IMMP1L: variants seen among roughly 807,000 people sequenced by gnomAD.
IMMP1L encodes inner mitochondrial membrane peptidase subunit 1.
IMMP1L carries 24 observed loss-of-function variants against 21.8 expected under a neutral mutation model. The observed-to-expected ratio is 1.10, with a 90% confidence interval of 0.80 to 1.55. The LOEUF (loss-of-function observed/expected upper bound fraction) is 1.55, where lower values mean the gene tolerates loss of function less well. IMMP1L is among the 40% of genes most tolerant of loss of function. The pLI is 0.00. For synonymous variants in IMMP1L, 46 were observed against 62.8 expected (o/e 0.73, Z 1.26); for missense variants, 195 against 200.7 (o/e 0.97, Z 0.17).
chr11:31,489,934 C>A (rs1955201037), intron 1 of IMMP1L, among the ~76,000 whole-genome samples: 1 of 152,116 alleles, frequency 6.6e-6, no homozygotes, highest in South Asian at 2.1e-4. Context: ...ATAAAAAATT[C>A]TCCTGAGTTA....
intron 1 of IMMP1L, among the ~76,000 whole-genome samples, chr11:31,473,112 C>T (rs988520635): frequency 6.6e-6 from 1 of 152,114 alleles, no homozygotes; most frequent in Non-Finnish European, 1.5e-5. Flanking sequence ...TGTAGTGGCG[C>T]GATCTTGGCT....
intron 4 of IMMP1L, among the ~76,000 whole-genome samples, chr11:31,455,518 G>A (rs879782562): frequency 6.6e-6 from 1 of 152,074 alleles, no homozygotes; most frequent in Non-Finnish European, 1.5e-5. Flanking sequence ...CAGGCAAGGT[G>A]GTTGTATACA....
At chr11:31,470,596 C>T (rs991846987) in intron 1 of IMMP1L, among the ~76,000 whole-genome samples, 3 of 152,060 alleles carry the variant, frequency 2.0e-5, no homozygotes, top group Non-Finnish European at 2.9e-5. Context: ...AATAGAACTA[C>T]CATATGATCC....
At chr11:31,507,886 A>ATTCT (rs1175415882) in intron 1 of IMMP1L, among the ~76,000 whole-genome samples, 1 of 152,230 alleles carries the variant, frequency 6.6e-6, no homozygotes, top group African/African-American at 2.4e-5. Flanking sequence ...AATTAGCTAG[A>ATTCT]TTTAACGATT....
intron 1 of IMMP1L, among the ~76,000 whole-genome samples, chr11:31,464,281 A>C (rs1481729869): frequency 6.6e-6 from 1 of 152,122 alleles, no homozygotes. Context: ...CAAAGTTGGC[A>C]AAGGATGAAG....
intron 1 of IMMP1L, chr11:31,473,666 G>A (rs1371036731): frequency 1.5e-6 from 1 of 669,384 alleles, no homozygotes; most frequent in Non-Finnish European, 1.8e-6. Flanking sequence ...GAAATTTCTG[G>A]GCATAGGCAT....
At chr11:31,477,109 T>C (rs1346869388) in intron 1 of IMMP1L, 1 of 152,178 alleles carries the variant, frequency 6.6e-6, no homozygotes, top group East Asian at 1.9e-4. Context: ...TAGGTGTCTA[T>C]ATATTTCAAA....
At chr11:31,480,198 G>C (rs1009238961) in intron 1 of IMMP1L, among the ~76,000 whole-genome samples, 8 of 151,880 alleles carry the variant, frequency 5.3e-5, no homozygotes, top group Non-Finnish European at 1.2e-4. Context: ...TATTGTAATT[G>C]GTTACATTCA....
chr11:31,436,001 G>A (rs1953104658), intron 4 of IMMP1L, among the ~76,000 whole-genome samples: 1 of 151,612 alleles, frequency 6.6e-6, no homozygotes, highest in South Asian at 2.1e-4. Flanking sequence ...TTATTTGATT[G>A]TTGGCAGTGT....
At chr11:31,502,044 A>T (rs1302689366) in intron 1 of IMMP1L, among the ~76,000 whole-genome samples, 2 of 152,040 alleles carry the variant, frequency 1.3e-5, no homozygotes, top group Non-Finnish European at 2.9e-5. Context: ...GTTGTATGAA[A>T]ATATCACCGA....
chr11:31,487,391 G>C (rs1034672230), intron 1 of IMMP1L, among the ~76,000 whole-genome samples: 1 of 151,998 alleles, frequency 6.6e-6, no homozygotes, highest in African/African-American at 2.4e-5. Flanking sequence ...TGATATTCAG[G>C]TAATAATTTG....
intron 4 of IMMP1L, among the ~76,000 whole-genome samples, chr11:31,447,364 G>A (rs1422875175): frequency 1.3e-5 from 2 of 152,128 alleles, no homozygotes; most frequent in Admixed American, 6.5e-5. Context: ...GTCCATTATC[G>A]GTCTCAGTCT....
Position 31,433,673 on chromosome 11 carries a change from T to A in IMMP1L, c.322-103A>T, listed in dbSNP as rs1436707984. ...GAGGTAGGGAGAAATGTCCTAAGGC[T>A]CTCTTTTATAGAATAGATACAAATC... On this transcript the variant is annotated intron_variant, in intron 4 of 5. Transcript: ENST00000532287. The A allele has an allele frequency of 4.9e-6, 3 of 606,992 alleles. No individual in the cohort carries two copies. In the African/African-American group the frequency reaches 5.7e-5, roughly 11 times the overall value. The allele number at this position is 606,992 out of a possible 1,614,324, so 37.6% of individuals were successfully genotyped here. A position where few individuals can be genotyped will look rare whatever the true frequency, so the allele number is the denominator to read the frequency against.
At chr11:31,473,601 T>C (rs1954638417) in intron 1 of IMMP1L, 3 of 198,472 alleles carry the variant, frequency 1.5e-5, no homozygotes, top group Non-Finnish European at 2.7e-5. Context: ...GCTAAAAAGA[T>C]TGAGCAGAGT....
At chr11:31,490,162 A>G (rs1554949593) in intron 1 of IMMP1L, among the ~76,000 whole-genome samples, 1 of 152,200 alleles carries the variant, frequency 6.6e-6, no homozygotes, top group Non-Finnish European at 1.5e-5. Flanking sequence ...TTATTCACAT[A>G]TGTGTGTGTA....
intron 1 of IMMP1L, among the ~76,000 whole-genome samples, chr11:31,507,173 G>A (rs1955804152): frequency 6.6e-6 from 1 of 151,534 alleles, no homozygotes; most frequent in Non-Finnish European, 1.5e-5. Flanking sequence ...CAGCTACTCG[G>A]GAGGCTGAGG....
At chr11:31,479,402 A>G (rs1954820014) in intron 1 of IMMP1L, among the ~76,000 whole-genome samples, 1 of 152,084 alleles carries the variant, frequency 6.6e-6, no homozygotes, top group Non-Finnish European at 1.5e-5. Flanking sequence ...TTAGTGCTAT[A>G]AAAAACTTTA....
chr11:31,485,772 A>G (rs2133769798), intron 1 of IMMP1L, among the ~76,000 whole-genome samples: 1 of 152,056 alleles, frequency 6.6e-6, no homozygotes, highest in South Asian at 2.1e-4. Context: ...AAAGCTTATC[A>G]GGCTAGGATA....
intron 4 of IMMP1L, among the ~76,000 whole-genome samples, chr11:31,443,257 A>T (rs985651605): frequency 7.2e-5 from 11 of 152,168 alleles, no homozygotes; most frequent in Admixed American, 6.5e-5. Context: ...AGTTTGTTTG[A>T]GTCATGTAAC....
Sources: allele counts gnomAD v4.1 joint callset (sites outside exome capture counted in the v4.1 genomes callset), GRCh38; gene constraint gnomAD v4.1.1; transcripts MANE v1.5; gene names NCBI Gene and HGNC (gene_info 2026-07-23, HGNC 2026-07-21).